Variants in ADGRG1 observed in about 807,000 individuals in gnomAD.
ADGRG1 encodes adhesion G protein-coupled receptor G1, also known as 7-transmembrane protein with no EGF-like N-terminal domains-1.
ADGRG1 carries 53 observed loss-of-function variants against 73.5 expected under a neutral mutation model. That is an observed-to-expected ratio of 0.72 (90% CI 0.58 to 0.91). The LOEUF (loss-of-function observed/expected upper bound fraction) is 0.91, where lower values mean the gene tolerates loss of function less well. Ranked by LOEUF, ADGRG1 falls within the 40% of genes least tolerant of loss-of-function variation. ADGRG1 has a pLI of 0.00. For missense variants in ADGRG1, 795 were observed against 871.8 expected, an observed-to-expected ratio of 0.91 and a Z score of 1.11; for synonymous variants, 394 against 374.4, an observed-to-expected ratio of 1.05 and a Z score of -0.60.
chr16:57,646,618 C>A, intron 1 of ADGRG1: 1 of 985,206 alleles, frequency 1.0e-6, no homozygotes, highest in South Asian at 4.7e-5. Flanking sequence ...CCTCTCCTTC[C>A]CTTTGTGGGG....
At chr16:57,660,519 A>G in intron 11 of ADGRG1, 5 of 711,862 alleles carry the variant, frequency 7.0e-6, no homozygotes, top group Non-Finnish European at 8.6e-6. Context: ...CCTTTCTCCC[A>G]GGGGCCCCCA....
chr16:57,634,126 G>A, intron 1 of ADGRG1: 1 of 985,428 alleles, frequency 1.0e-6, no homozygotes. Context: ...CAGCACTGTG[G>A]TCACTTCTCT....
In ADGRG1 at chr16:57,650,373, C is replaced by G. The variant is rs781734289; in HGVS notation, c.64+22C>G. 8.1e-6 allele frequency: 13 copies of G among 1,607,754 alleles called. No homozygotes were observed. The Middle Eastern group carries it at 1.5e-3, about 184-fold the overall frequency. On this transcript the variant is annotated intron_variant, in intron 2 of 13. Transcript: ENST00000562631. ...CAAGGCAGGTCTTCCCAGGGGTGCC[C>G]TGGGCTGTTGGAACTTACGTTAAAA...
At chr16:57,661,998 G>T in intron 13 of ADGRG1, 33 bp downstream of exon 13, 1 of 1,560,624 alleles carries the variant, frequency 6.4e-7, no homozygotes, top group South Asian at 1.1e-5. Flanking sequence ...GGCCCAGGCA[G>T]GGTGTCTACA....
chr16:57,644,779 T>G (rs935744), intron 1 of ADGRG1, among the ~76,000 whole-genome samples: 2 of 141,644 alleles, frequency 1.4e-5, no homozygotes, highest in South Asian at 4.5e-4. Flanking sequence ...CACACACATA[T>G]GCACACTCAT....
rs8060868 is a variant in ADGRG1, at chr16:57,656,799, C to T, written c.1167+182C>T. ...GAGAGGTTAAGCAATTTACCCGTGG[C>T]CACACAGCTAGTCAGTGAAAGAGCT... On this transcript the variant is annotated intron_variant, in intron 9 of 13. Coordinates refer to ENST00000562631, the MANE Select transcript of ADGRG1 (RefSeq NM_201525.4). Among the ~76,000 whole-genome samples, 4,318 of 152,300 alleles carry T rather than the reference C, an allele frequency of 0.028. 211 individuals carry two copies. Among genetic ancestry groups the T allele is most frequent in the African/African-American group, 0.098 (4,053 of 41,534 alleles).
At position 57,629,654 on chromosome 16, in the gene ADGRG1, C is replaced by T. The variant is rs78366559; in HGVS notation, c.-36+852C>T. Among the ~76,000 whole-genome samples the T allele has an allele frequency of 2.0e-4, 31 of 152,300 alleles. No individual in the cohort carries two copies. The East Asian group carries it at 4.8e-3, about 24-fold the overall frequency. On this transcript the variant is annotated intron_variant, in intron 1 of 13. Coordinates refer to ENST00000562631, the MANE Select transcript of ADGRG1 (RefSeq NM_201525.4). ...AAGGTGGCCCCGCAGGGTCTCTGAA[C>T]GTGGGCCACGTGGGTGAGAGTCCTG...
upstream of ADGRG1, chr16:57,626,772 C>T: frequency 2.0e-6 from 2 of 985,304 alleles, no homozygotes; most frequent in Non-Finnish European, 2.4e-6. Context: ...CCCTGGGGAA[C>T]AGCTGAGGCT....
chr16:57,640,304 A>G (rs2040476619), intron 1 of ADGRG1: 1 of 152,266 alleles, frequency 6.6e-6, no homozygotes. Context: ...GCAGATGGAC[A>G]GCGTGTGTCC....
chr16:57,639,597 A>C (rs1189703924), intron 1 of ADGRG1: 5 of 985,078 alleles, frequency 5.1e-6, no homozygotes, highest in Non-Finnish European at 6.0e-6. Flanking sequence ...TACTGCCTGC[A>C]AACAAGAACC....
At chr16:57,643,554 G>C (rs771522381) in intron 1 of ADGRG1, 3 of 985,048 alleles carry the variant, frequency 3.0e-6, no homozygotes. Flanking sequence ...CTGAGCTGGC[G>C]GTATGGGGGG....
chr16:57,625,229 C>T (rs1464987883), upstream of ADGRG1, among the ~76,000 whole-genome samples: 4 of 152,206 alleles, frequency 2.6e-5, no homozygotes, highest in African/African-American at 9.6e-5. Flanking sequence ...ACTGCTGAGC[C>T]CCAACGACGT....
At chr16:57,634,299 G>C (rs1597152857) in intron 1 of ADGRG1, 2 of 985,418 alleles carry the variant, frequency 2.0e-6, no homozygotes, top group East Asian at 2.3e-4. Flanking sequence ...CACCTGCTTT[G>C]ATGGTGACAG....
intron 1 of ADGRG1, chr16:57,647,272 C>T (rs1161879984): frequency 1.0e-6 from 1 of 985,356 alleles, no homozygotes; most frequent in South Asian, 4.7e-5. Flanking sequence ...GTTTAACCTT[C>T]CATTGCACTC....
chr16:57,662,726 T>C (rs1159301590), intron 13 of ADGRG1, among the ~76,000 whole-genome samples: 1 of 151,884 alleles, frequency 6.6e-6, no homozygotes, highest in Admixed American at 6.6e-5. Context: ...CAGGGCAGGG[T>C]CATGATGGCT....
At chr16:57,621,876 G>C in intron 2 of ADGRG1, 1 of 985,170 alleles carries the variant, frequency 1.0e-6, no homozygotes, top group Non-Finnish European at 1.2e-6. Context: ...CCATGCCAAG[G>C]CTGGGACCCC....
upstream of ADGRG1, chr16:57,628,281 T>A (rs980505946): frequency 2.6e-5 from 19 of 718,230 alleles, 1 homozygote; most frequent in South Asian, 1.1e-3. Flanking sequence ...CCTGTTGCCG[T>A]GGCAACCCCG....
intron 10 of ADGRG1, among the ~76,000 whole-genome samples, chr16:57,658,629 G>C (rs756009164): frequency 1.4e-4 from 21 of 152,190 alleles, no homozygotes; most frequent in Admixed American, 3.9e-4. Flanking sequence ...AGATGGGCTC[G>C]GCGGAAGGCT....
rs2040708133 is a variant in ADGRG1, at chr16:57,641,099, C to G, written c.-35-9154C>G. The G allele has an allele frequency of 9.4e-6, 9 of 958,836 alleles. No individual in the cohort carries two copies. In the South Asian group the frequency reaches 1.9e-4, roughly 21 times the overall value. 59.4% of individuals were successfully genotyped at this position (958,836 alleles called of 1,614,324 possible). A position where few individuals can be genotyped will look rare whatever the true frequency, so the allele number is the denominator to read the frequency against. ...GTTCTTACCTGTAGGCATCCTGAAG[C>G]CTGCGGGAGCCTGGAGGGCCCTGGC... On this transcript the variant is annotated intron_variant, in intron 1 of 13. Transcript: ENST00000562631.
Sources: gnomAD v4.1 joint callset for allele counts (sites outside exome capture counted in the v4.1 genomes callset) on GRCh38, gnomAD v4.1.1 for gene constraint, MANE v1.5 for transcripts, NCBI Gene and HGNC (gene_info 2026-07-23, HGNC 2026-07-21) for gene names.